Variants in ARPC1A observed in about 807,000 individuals in gnomAD.
The protein encoded by ARPC1A is actin-related protein 2/3 complex subunit 1A.
ARPC1A carries 8 observed loss-of-function variants against 46.9 expected under a neutral mutation model. That is an observed-to-expected ratio of 0.17 (90% CI 0.10 to 0.31). ARPC1A has a LOEUF of 0.31. Ranked by LOEUF, ARPC1A falls within the 10% of genes least tolerant of loss-of-function variation. The pLI is 1.00. For missense variants in ARPC1A, 286 were observed against 483.6 expected (o/e 0.59, Z 3.83); for synonymous variants, 152 against 169.0 (o/e 0.90, Z 0.78).
At chr7:99,363,397 T>A in intron 8 of ARPC1A, 146 bp from the exon 9 acceptor site, 1 of 657,480 alleles carries the variant, frequency 1.5e-6, no homozygotes, top group Non-Finnish European at 2.6e-6. Context: ...TTGGGCAACA[T>A]AATGAGACCC....
chr7:99,364,446 GT>G (rs1793795046), intron 9 of ARPC1A, among the ~76,000 whole-genome samples: 1 of 151,308 alleles, frequency 6.6e-6, no homozygotes, highest in Admixed American at 6.6e-5. Context: ...CTAATTTTGT[GT>G]TTTTAGTAGA....
intron 4 of ARPC1A, among the ~76,000 whole-genome samples, chr7:99,346,918 G>A (rs539470529): frequency 1.3e-5 from 2 of 152,118 alleles, no homozygotes; most frequent in Non-Finnish European, 2.9e-5. Flanking sequence ...GGTAGAGGTT[G>A]CAATGAGCCG....
At chr7:99,361,566 T>G (rs1793740938) in intron 8 of ARPC1A, among the ~76,000 whole-genome samples, 1 of 152,188 alleles carries the variant, frequency 6.6e-6, no homozygotes, top group Admixed American at 6.6e-5. Context: ...TCTCCATTCT[T>G]TAGGTTTCTC....
intron 2 of ARPC1A, among the ~76,000 whole-genome samples, chr7:99,335,029 T>A (rs963429362): frequency 5.9e-5 from 9 of 152,152 alleles, no homozygotes; most frequent in African/African-American, 2.2e-4. Context: ...GTATTTTTAG[T>A]AGAGACAGGG....
chr7:99,362,660 T>A (rs1042922855), intron 8 of ARPC1A, among the ~76,000 whole-genome samples: 7 of 151,924 alleles, frequency 4.6e-5, no homozygotes, highest in East Asian at 1.9e-4. Flanking sequence ...TTTTTTTTTT[T>A]ATTTAAGCTC....
In ARPC1A at chr7:99,364,793, C is replaced by T. The variant is rs116942092; in HGVS notation, c.1075-1098C>T. 6.1e-3 allele frequency among the ~76,000 whole-genome samples: 935 copies of T among 152,220 alleles called. 8 individuals are homozygous for T. Among genetic ancestry groups the T allele is most frequent in the South Asian group, 0.013 (64 of 4,822 alleles). Reference sequence around the variant, plus strand: ...ACATTTAGTACATATCTCCTGGGTGCCATGCATGATGCTGAGCACTGAGAA... The same window carrying T: ...ACATTTAGTACATATCTCCTGGGTGTCATGCATGATGCTGAGCACTGAGAA... On this transcript the variant is annotated intron_variant, in intron 9 of 9. Coordinates refer to ENST00000262942, the MANE Select transcript of ARPC1A (RefSeq NM_006409.4).
intron 4 of ARPC1A, among the ~76,000 whole-genome samples, chr7:99,346,955 G>T (rs137881754): frequency 0.026 from 4,018 of 152,142 alleles, 71 homozygotes; most frequent in South Asian, 0.048. Flanking sequence ...CTCCAGCCTG[G>T]GCAACAGAGC....
At chr7:99,330,201 T>C (rs571101807) in intron 1 of ARPC1A, among the ~76,000 whole-genome samples, 1 of 152,346 alleles carries the variant, frequency 6.6e-6, no homozygotes, top group South Asian at 2.1e-4. Flanking sequence ...GACTTAACTA[T>C]CTTCACTCTT....
At position 99,334,936 on chromosome 7, in the gene ARPC1A, G is replaced by A. The variant is rs542478430; in HGVS notation, c.64+1519G>A. ...TTGGCCCACTGCAAGCTCCGCCTCC[G>A]GGGTTCACACCATTCTCCTGCCTCA... On this transcript the variant is annotated intron_variant, in intron 2 of 9. Coordinates refer to ENST00000262942, the MANE Select transcript of ARPC1A (RefSeq NM_006409.4). Among the ~76,000 whole-genome samples the A allele has an allele frequency of 2.5e-4, 38 of 152,064 alleles. No individual in the cohort carries two copies. The South Asian group carries it at 5.6e-3, about 22-fold the overall frequency.
chr7:99,352,703 G>A (rs909767394), intron 5 of ARPC1A, among the ~76,000 whole-genome samples: 1 of 149,592 alleles, frequency 6.7e-6, no homozygotes, highest in African/African-American at 2.5e-5. Flanking sequence ...GGTGGCTCAT[G>A]CCTGTAATCC....
intron 2 of ARPC1A, 94 bp downstream of exon 2, chr7:99,333,511 T>C: frequency 1.8e-6 from 2 of 1,090,832 alleles, no homozygotes; most frequent in Admixed American, 2.2e-5. Context: ...CAGTATCACA[T>C]GTGCAAAGAA....
At chr7:99,343,498 T>G (rs1481456988) in intron 3 of ARPC1A, among the ~76,000 whole-genome samples, 3 of 151,138 alleles carry the variant, frequency 2.0e-5, no homozygotes, top group Non-Finnish European at 4.4e-5. Flanking sequence ...GAAAAGAAAA[T>G]ACCTCATCAA....
chr7:99,333,041 C>T (rs940701598), intron 1 of ARPC1A, among the ~76,000 whole-genome samples: 3 of 152,142 alleles, frequency 2.0e-5, no homozygotes, highest in East Asian at 1.9e-4. Context: ...GAACTAGAGG[C>T]GTGTGCCACC....
intron 2 of ARPC1A, among the ~76,000 whole-genome samples, chr7:99,337,955 G>GA (rs1440396313): frequency 1.2e-4 from 18 of 151,976 alleles, no homozygotes; most frequent in Admixed American, 1.2e-3. Flanking sequence ...GTGTCTCTGG[G>GA]AAAATGAATT....
At chr7:99,335,903 G>A (rs1483954062) in intron 2 of ARPC1A, among the ~76,000 whole-genome samples, 7 of 151,602 alleles carry the variant, frequency 4.6e-5, no homozygotes, top group African/African-American at 4.8e-5. Flanking sequence ...GCAGTGAGCC[G>A]AGATTGTGCC....
rs905433396 is a variant in ARPC1A, at chr7:99,325,968, C to T, written c.-66C>T. The T allele has an allele frequency of 6.6e-6, 1 of 152,546 alleles. No homozygotes were observed. The highest frequency in any genetic ancestry group is 2.4e-5 in the African/African-American group (1 of 41,456). The allele number at this position is 152,546 out of a possible 1,614,324, so 9.4% of individuals were successfully genotyped here. A position where few individuals can be genotyped will look rare whatever the true frequency, so the allele number is the denominator to read the frequency against. ...GTCGACTGCCCAGAGTCCGCGAATC[C>T]TCCGCTCCGAGCCCGTCCGGACTCC... On this transcript the variant is annotated 5_prime_UTR_variant, in exon 1 of 10. Transcript: ENST00000262942.
At chr7:99,353,102 G>C (rs1338851251) in intron 5 of ARPC1A, among the ~76,000 whole-genome samples, 1 of 140,596 alleles carries the variant, frequency 7.1e-6, no homozygotes. Context: ...TTTTAGTTTA[G>C]TTTAGTTTAG....
chr7:99,349,078 G>T, intron 5 of ARPC1A, 119 bp downstream of exon 5: 8 of 1,000,292 alleles, frequency 8.0e-6, no homozygotes, highest in Non-Finnish European at 1.2e-5. Context: ...TTTGAGACAG[G>T]GTCTCACTCT....
intron 1 of ARPC1A, among the ~76,000 whole-genome samples, chr7:99,329,966 G>A (rs530061469): frequency 6.6e-6 from 1 of 152,040 alleles, no homozygotes; most frequent in East Asian, 1.9e-4. Flanking sequence ...ATTTTGAGTA[G>A]CTGTTACTAA....
Sources: gnomAD v4.1 joint callset for allele counts (sites outside exome capture counted in the v4.1 genomes callset) on GRCh38, gnomAD v4.1.1 for gene constraint, MANE v1.5 for transcripts, NCBI Gene and HGNC (gene_info 2026-07-23, HGNC 2026-07-21) for gene names.